The following CEBPZ variants were observed in gnomAD, a reference collection of about 807,000 sequenced individuals.
CEBPZ encodes CCAAT enhancer binding protein zeta.
A neutral mutation model predicts 104.5 loss-of-function variants in CEBPZ; 78 were observed. The observed-to-expected ratio is 0.75, with a 90% CI of 0.62 to 0.90. The LOEUF (loss-of-function observed/expected upper bound fraction) is 0.90, where lower values mean the gene tolerates loss of function less well. Among genes scored for constraint, CEBPZ ranks in the 40% least tolerant of loss-of-function variants. The pLI is 0.00. For synonymous variants in CEBPZ, 470 were observed against 427.0 expected (o/e 1.10, Z -1.24); for missense variants, 1,439 against 1,233.5 (o/e 1.17, Z -2.50).
chr2:37,204,992 T>C (rs1677481887), intron 13 of CEBPZ, among the ~76,000 whole-genome samples: 1 of 152,232 alleles, frequency 6.6e-6, no homozygotes, highest in South Asian at 2.1e-4. Flanking sequence ...TTCTGTGGGA[T>C]GCTTTTGAGA....
At chr2:37,230,687 A>G (rs1665047252) in intron 1 of CEBPZ, among the ~76,000 whole-genome samples, 1 of 152,004 alleles carries the variant, frequency 6.6e-6, no homozygotes, top group African/African-American at 2.4e-5. Flanking sequence ...CTCCTTTCTT[A>G]CTATTCTCCC....
At chr2:37,214,114 C>T (rs1020285678) in intron 9 of CEBPZ, among the ~76,000 whole-genome samples, 153 bp from the exon 10 acceptor site, 8 of 152,038 alleles carry the variant, frequency 5.3e-5, no homozygotes, top group African/African-American at 1.4e-4. Flanking sequence ...ATCTAATATA[C>T]AAAAAATAGT....
chr2:37,222,279 G>A, intron 4 of CEBPZ, 101 bp downstream of exon 4: 1 of 1,085,978 alleles, frequency 9.2e-7, no homozygotes, highest in East Asian at 2.7e-5. Flanking sequence ...GTGAGACTCT[G>A]TCTAAATAAA....
At chr2:37,223,889 A>T (rs1664824522) in intron 2 of CEBPZ, among the ~76,000 whole-genome samples, 1 of 152,152 alleles carries the variant, frequency 6.6e-6, no homozygotes, top group Non-Finnish European at 1.5e-5. Flanking sequence ...AATTCTAAGG[A>T]CTTCAGAGAA....
At position 37,214,939 on chromosome 2, in the gene CEBPZ, C is replaced by G; in HGVS notation, c.2394G>C (p.Glu798Asp). 1 of 1,607,078 alleles carries G rather than the reference C, an allele frequency of 6.2e-7. No individual in the cohort carries two copies. Among genetic ancestry groups the G allele is most frequent in the Non-Finnish European group, 8.5e-7 (1 of 1,173,994 alleles). ...TTTGGCTTTCTTCTTTTGCAAGGAA[C>G]TCCTTACTGTTCACTACAAAAATAA... Reference protein sequence around the residue: ...DIRHLPVNSKEFLAKEESQIP... With the variant: ...DIRHLPVNSKDFLAKEESQIP... The change falls in exon 9 of 16, where the codon GAG (glutamate) becomes GAC (aspartate). Residue 798 changes from glutamate (E) to aspartate (D), a missense_variant. Coordinates refer to ENST00000234170, the MANE Select transcript of CEBPZ (RefSeq NM_005760.3).
At chr2:37,226,346 T>C (rs2148362050) in intron 2 of CEBPZ, among the ~76,000 whole-genome samples, 1 of 152,318 alleles carries the variant, frequency 6.6e-6, no homozygotes, top group East Asian at 1.9e-4. Flanking sequence ...CTATCAGTAA[T>C]AAGGATAGCC....
In CEBPZ at chr2:37,229,049, C is replaced by G. The variant is rs754187231; in HGVS notation, c.157-13G>C. The G allele has an allele frequency of 6.7e-7, 1 of 1,483,258 alleles. No individual in the cohort carries two copies. Among genetic ancestry groups the G allele is most frequent in the Non-Finnish European group, 8.9e-7 (1 of 1,117,652 alleles). 91.9% of individuals were successfully genotyped at this position (1,483,258 alleles called of 1,614,324 possible). On this transcript the variant is annotated splice_polypyrimidine_tract_variant and intron_variant, in intron 1 of 15. Coordinates refer to ENST00000234170, the MANE Select transcript of CEBPZ (RefSeq NM_005760.3). ...TAAGGTAATCTTGCTGCATTAAAAA[C>G]ATAAGTTAAAAATACATTACAAATG... is the stretch of plus-strand genomic sequence containing the variant.
chr2:37,225,175 A>T (rs1487671838), intron 2 of CEBPZ, among the ~76,000 whole-genome samples: 1 of 152,218 alleles, frequency 6.6e-6, no homozygotes, highest in Non-Finnish European at 1.5e-5. Flanking sequence ...AGAGTTGTGG[A>T]AAGGCTTCTG....
intron 8 of CEBPZ, 80 bp from the exon 9 acceptor site, chr2:37,215,032 C>A: frequency 4.6e-6 from 4 of 877,208 alleles, no homozygotes; most frequent in Admixed American, 2.1e-5. Flanking sequence ...CAAAATACAG[C>A]ATAATCTGTA....
chr2:37,210,202 A>G (rs1677676590), intron 13 of CEBPZ: 1 of 152,232 alleles, frequency 6.6e-6, no homozygotes, highest in African/African-American at 2.4e-5. Context: ...TACAACCACT[A>G]TGGTAAACAG....
intron 9 of CEBPZ, among the ~76,000 whole-genome samples, chr2:37,214,482 A>G (rs767981020): frequency 1.3e-5 from 2 of 152,140 alleles, no homozygotes; most frequent in African/African-American, 2.4e-5. Context: ...ATTAAAATCT[A>G]TATTAAAGGT....
intron 13 of CEBPZ, 75 bp downstream of exon 13, chr2:37,210,924 G>T: frequency 9.9e-7 from 1 of 1,006,660 alleles, no homozygotes; most frequent in Non-Finnish European, 1.5e-6. Flanking sequence ...ATTTAGGAGA[G>T]TTCATTTCCC....
At chr2:37,231,287 A>G in intron 1 of CEBPZ, 125 bp downstream of exon 1, 1 of 1,309,940 alleles carries the variant, frequency 7.6e-7, no homozygotes, top group Non-Finnish European at 1.1e-6. Context: ...CACATGCTTC[A>G]GAGGCTGGGA....
At chr2:37,208,379 G>C (rs552743257) in intron 13 of CEBPZ, among the ~76,000 whole-genome samples, 1 of 152,168 alleles carries the variant, frequency 6.6e-6, no homozygotes, top group East Asian at 1.9e-4. Flanking sequence ...CATGCACACA[G>C]ATGCAAAAAC....
At chr2:37,219,849 G>C (rs751953777) in intron 5 of CEBPZ, among the ~76,000 whole-genome samples, 2 of 151,876 alleles carry the variant, frequency 1.3e-5, no homozygotes, top group Non-Finnish European at 2.9e-5. Flanking sequence ...CCTACAAAAA[G>C]CAACAGTCAT....
At chr2:37,221,093 A>T (rs1375978249) in intron 4 of CEBPZ, among the ~76,000 whole-genome samples, 1 of 152,098 alleles carries the variant, frequency 6.6e-6, no homozygotes, top group Non-Finnish European at 1.5e-5. Flanking sequence ...GCCAAGGTGG[A>T]AAGGCTGCTT....
chr2:37,224,755 C>T (rs2148360834), intron 2 of CEBPZ, among the ~76,000 whole-genome samples: 1 of 152,162 alleles, frequency 6.6e-6, no homozygotes, highest in East Asian at 1.9e-4. Context: ...TTTCTTTTAT[C>T]CCTCAATTAA....
In CEBPZ at chr2:37,217,007, G is replaced by T; in HGVS notation, c.2185C>A (p.Leu729Ile). 6.2e-7 allele frequency: 1 copy of T among 1,612,806 alleles called. No homozygotes were observed. The highest frequency in any genetic ancestry group is 8.5e-7 in the Non-Finnish European group (1 of 1,179,004). ...ACCTGAAGGATGGTCTTTGCAAAAA[G>T]GGCCACGGAGGGATGAAAATGCACA... ...LSVHFHPSVA[L>I]FAKTILQGNY... Residue 729 changes from leucine (L) to isoleucine (I), a missense_variant, in exon 6 of 16, where the codon CTT (leucine) becomes ATT (isoleucine). Coordinates refer to ENST00000234170, the MANE Select transcript of CEBPZ (RefSeq NM_005760.3).
chr2:37,212,926 C>T (rs936694103), intron 10 of CEBPZ, among the ~76,000 whole-genome samples: 2 of 150,504 alleles, frequency 1.3e-5, no homozygotes, highest in African/African-American at 4.9e-5. Context: ...GTAGTCCCAG[C>T]TACCCGTGGG....
Sources: allele counts gnomAD v4.1 joint callset (sites outside exome capture counted in the v4.1 genomes callset), GRCh38; gene constraint gnomAD v4.1.1; transcripts MANE v1.5; gene names NCBI Gene and HGNC (gene_info 2026-07-23, HGNC 2026-07-21).